The following AKAP7 variants were observed in gnomAD, a reference collection of about 807,000 sequenced individuals.
The protein encoded by AKAP7 is A-kinase anchoring protein 7, also known as A kinase (PRKA) anchor protein 7.
Under a neutral mutation model 39.5 loss-of-function variants are expected in AKAP7, and 39 were observed. The observed-to-expected ratio is 0.99, with a 90% CI of 0.76 to 1.29. The LOEUF is 1.29. Ranked by LOEUF, AKAP7 falls within the 50% of genes most tolerant of loss-of-function variation. The probability of loss-of-function intolerance (pLI) is 0.00; values close to 1 mark genes in which losing one functional copy is unlikely to be tolerated. For synonymous variants in AKAP7, 140 were observed against 139.1 expected (o/e 1.01, Z -0.05); for missense variants, 414 against 407.7 (o/e 1.02, Z -0.13).
chr6:131,132,903 T>C (rs1368272134), upstream of AKAP7, among the ~76,000 whole-genome samples: 6 of 152,200 alleles, frequency 3.9e-5, no homozygotes, highest in Non-Finnish European at 5.9e-5. Flanking sequence ...AGTAAAAATA[T>C]GTTCTCTCCT....
intron 7 of AKAP7, among the ~76,000 whole-genome samples, chr6:131,275,892 T>C (rs1420590521): frequency 1.3e-5 from 2 of 152,248 alleles, no homozygotes; most frequent in African/African-American, 2.4e-5. Context: ...TATGACACTT[T>C]AGCTGAGGCT....
chr6:131,274,543 G>C (rs934591054), intron 7 of AKAP7, among the ~76,000 whole-genome samples: 2 of 151,962 alleles, frequency 1.3e-5, no homozygotes, highest in African/African-American at 4.8e-5. Flanking sequence ...TCACTATGTT[G>C]CTCAGACTGG....
chr6:131,198,555 T>C (rs150996989), intron 5 of AKAP7, among the ~76,000 whole-genome samples: 146 of 152,288 alleles, frequency 9.6e-4, no homozygotes, highest in African/African-American at 3.2e-3. Context: ...AGAGTACCAG[T>C]CCAGAGTTAA....
intron 7 of AKAP7, among the ~76,000 whole-genome samples, chr6:131,260,273 G>A (rs555733942): frequency 5.9e-5 from 9 of 152,228 alleles, no homozygotes; most frequent in South Asian, 2.1e-4. Flanking sequence ...ATACGTGTGC[G>A]TGTATCTTTA....
chr6:131,253,728 T>TTTG (rs1309836195), intron 7 of AKAP7, among the ~76,000 whole-genome samples: 1 of 152,106 alleles, frequency 6.6e-6, no homozygotes, highest in Non-Finnish European at 1.5e-5. Context: ...ACATACAATA[T>TTTG]TTGTCTTTAT....
chr6:131,140,465 AT>A (rs1338946711), intron 1 of AKAP7, among the ~76,000 whole-genome samples: 1 of 152,232 alleles, frequency 6.6e-6, no homozygotes, highest in Non-Finnish European at 1.5e-5. Flanking sequence ...AATTGACTTA[AT>A]TTAATTCATC....
chr6:131,127,240 G>A, the AKAP7 span, among the ~76,000 whole-genome samples: 1 of 151,896 alleles, frequency 6.6e-6, no homozygotes, highest in African/African-American at 2.4e-5. Flanking sequence ...TAGAGATGTT[G>A]GCCAGGCTGG....
intron 5 of AKAP7, among the ~76,000 whole-genome samples, chr6:131,192,740 T>C (rs1020716826): frequency 6.6e-6 from 1 of 152,160 alleles, no homozygotes; most frequent in South Asian, 2.1e-4. Flanking sequence ...ACATTTTTTT[T>C]GGTGCTGTCT....
intron 7 of AKAP7, among the ~76,000 whole-genome samples, chr6:131,268,514 A>G (rs1813997596): frequency 6.6e-6 from 1 of 152,204 alleles, no homozygotes; most frequent in African/African-American, 2.4e-5. Context: ...AGCTGGCATC[A>G]TGGGAATTTT....
chr6:131,165,683 C>T (rs1803411578), intron 4 of AKAP7, among the ~76,000 whole-genome samples: 1 of 152,154 alleles, frequency 6.6e-6, no homozygotes, highest in African/African-American at 2.4e-5. Flanking sequence ...TTTTACTAAG[C>T]CACTGGACAA....
At chr6:131,254,223 A>G (rs1179112396) in intron 7 of AKAP7, among the ~76,000 whole-genome samples, 1 of 152,226 alleles carries the variant, frequency 6.6e-6, no homozygotes, top group East Asian at 1.9e-4. Flanking sequence ...GAACATTGTT[A>G]ACATTAAAAA....
At chr6:131,158,571 C>T (rs576789616) in intron 2 of AKAP7, among the ~76,000 whole-genome samples, 3 of 152,008 alleles carry the variant, frequency 2.0e-5, no homozygotes, top group Non-Finnish European at 2.9e-5. Context: ...GCAGTGGCAT[C>T]GTCTTGGGTA....
At position 131,160,077 on chromosome 6, in the gene AKAP7, T is replaced by G; in HGVS notation, c.170T>G (p.Ile57Arg). 6.3e-7 allele frequency: 1 copy of G among 1,591,924 alleles called. No homozygotes were observed. Among genetic ancestry groups the G allele is most frequent in the East Asian group, 2.2e-5 (1 of 44,480 alleles). ...DDCGITDEPQ[I>R]NLKRSQENEW... ...CCTCTAGTCACTGATGAACCTCAAA[T>G]AAATTTGAAGAGAAGTCAAGAAAAT... Residue 57 changes from isoleucine (I) to arginine (R), a missense_variant, in exon 3 of 8, where the codon ATA becomes AGA. Ile to Arg is a moderately conservative substitution (Grantham distance 97). Coordinates refer to ENST00000431975, the MANE Select transcript of AKAP7 (RefSeq NM_016377.4).
intron 5 of AKAP7, chr6:131,185,038 G>T: frequency 1.4e-6 from 1 of 733,322 alleles, no homozygotes; most frequent in Non-Finnish European, 2.6e-6. Flanking sequence ...TTTCGTGCTT[G>T]ACTGTTTGTC....
rs1276710200 is a variant in AKAP7 at position 131,282,379 on chromosome 6, A to G, written c.*653A>G. On this transcript the variant is annotated 3_prime_UTR_variant, in exon 8 of 8. Transcript: ENST00000431975. ...ATGCCATATTTAATGAAATGTTATT[A>G]TATAATTTTTTTTTCTTAGGCAAGA... 3 of 1,445,172 alleles carry G rather than the reference A, an allele frequency of 2.1e-6. No individual in the cohort carries two copies. Among genetic ancestry groups the G allele is most frequent in the Non-Finnish European group, 2.7e-6 (3 of 1,100,532 alleles). 89.5% of individuals were successfully genotyped at this position (1,445,172 alleles called of 1,614,324 possible).
intron 7 of AKAP7, among the ~76,000 whole-genome samples, chr6:131,239,059 C>T (rs985706930): frequency 6.6e-6 from 1 of 152,146 alleles, no homozygotes; most frequent in Non-Finnish European, 1.5e-5. Context: ...TTGTTCCTTT[C>T]CATGTTTAGT....
chr6:131,154,348 C>G (rs780937592), intron 2 of AKAP7, among the ~76,000 whole-genome samples: 1 of 151,968 alleles, frequency 6.6e-6, no homozygotes. Flanking sequence ...TTAATATCAC[C>G]GCAAATTGTC....
intron 5 of AKAP7, chr6:131,185,472 C>T (rs755473634): frequency 2.7e-5 from 10 of 365,108 alleles, no homozygotes; most frequent in African/African-American, 4.2e-5. Flanking sequence ...TTGCATTCAC[C>T]ACCACAGGTG....
At chr6:131,203,975 C>G (rs1289466889) in intron 6 of AKAP7, among the ~76,000 whole-genome samples, 1 of 151,972 alleles carries the variant, frequency 6.6e-6, no homozygotes, top group Non-Finnish European at 1.5e-5. Flanking sequence ...TTCAGAAATA[C>G]CTCAGATTGC....
Sources: allele counts gnomAD v4.1 joint callset (sites outside exome capture counted in the v4.1 genomes callset), GRCh38; gene constraint gnomAD v4.1.1; transcripts MANE v1.5; gene names NCBI Gene and HGNC (gene_info 2026-07-23, HGNC 2026-07-21).